The following NEURL1 variants were observed in gnomAD, a reference collection of about 807,000 sequenced individuals.
NEURL1 encodes the protein E3 ubiquitin-protein ligase NEURL1.
A neutral mutation model predicts 41.2 loss-of-function variants in NEURL1; 26 were observed. The observed-to-expected ratio is 0.63, with a 90% CI of 0.46 to 0.87. The LOEUF (loss-of-function observed/expected upper bound fraction) is 0.87, where lower values mean the gene tolerates loss of function less well. NEURL1 is among the 40% of genes least tolerant of loss of function. The pLI is 0.00. For synonymous variants in NEURL1, 400 were observed against 402.3 expected, an observed-to-expected ratio of 0.99 and a Z score of 0.07; for missense variants, 761 against 871.1, an observed-to-expected ratio of 0.87 and a Z score of 1.59.
At chr10:103,564,717 C>T (rs1345165516) in intron 1 of NEURL1, among the ~76,000 whole-genome samples, 5 of 152,230 alleles carry the variant, frequency 3.3e-5, no homozygotes, top group Admixed American at 6.5e-5. Flanking sequence ...CTTAAAGGGT[C>T]ATAGTCCCAG....
Position 103,590,673 on chromosome 10 carries a change from CCCTA to C in NEURL1, c.*302_*305del, listed in dbSNP as rs2036022327. ...AGGGCTAAATTGGGATCTCAGCCTG[CCCTA>C]ATCTTTCCCCATCTGAGGCAGGTTT... On this transcript the variant is annotated 3_prime_UTR_variant, in exon 6 of 6. Transcript: ENST00000369780. 2 of 439,584 alleles carry C rather than the reference CCCTA, an allele frequency of 4.5e-6. No individual in the cohort carries two copies. The highest frequency in any genetic ancestry group is 4.1e-6 in the Non-Finnish European group (1 of 240,988). The allele number at this position is 439,584 out of a possible 1,614,324, so 27.2% of individuals were successfully genotyped here.
rs550645695 is a variant in NEURL1 at position 103,562,020 on chromosome 10, C to G, written c.86-8852C>G. On this transcript the variant is annotated intron_variant, in intron 1 of 5. Coordinates refer to ENST00000369780, the MANE Select transcript of NEURL1 (RefSeq NM_004210.5). ...AGTAGATAGAAGAATCAAACACTAG[C>G]AATTCATTCAGTAACTTTTATTGAG... Among the ~76,000 whole-genome samples the G allele has an allele frequency of 2.0e-5, 3 of 152,322 alleles. No homozygotes were observed. The East Asian group carries it at 5.8e-4, about 29-fold the overall frequency.
chr10:103,552,920 G>A, intron 1 of NEURL1, among the ~76,000 whole-genome samples: 1 of 152,196 alleles, frequency 6.6e-6, no homozygotes, highest in South Asian at 2.1e-4. Context: ...TAGGGCCCTA[G>A]GGAGGCTTCC....
intron 1 of NEURL1, among the ~76,000 whole-genome samples, chr10:103,568,877 C>T (rs373158472): frequency 4.6e-5 from 7 of 152,150 alleles, no homozygotes; most frequent in East Asian, 1.9e-4. Flanking sequence ...TGCAGTGGAA[C>T]GATCTTGGCT....
chr10:103,504,218 C>T (rs1472146341), intron 1 of NEURL1, among the ~76,000 whole-genome samples: 1 of 151,978 alleles, frequency 6.6e-6, no homozygotes, highest in East Asian at 1.9e-4. Context: ...GTCTTGAACC[C>T]CTGAACTTGT....
Position 103,571,127 on chromosome 10 carries a change from CT to C in NEURL1, c.327+15del. The C allele has an allele frequency of 2.5e-6, 4 of 1,609,874 alleles. No homozygotes were observed. Among genetic ancestry groups the C allele is most frequent in the Non-Finnish European group, 3.4e-6 (4 of 1,178,280 alleles). On this transcript the variant is annotated intron_variant, in intron 2 of 5. Coordinates refer to ENST00000369780, the MANE Select transcript of NEURL1 (RefSeq NM_004210.5). ...GTCAGGCTGAAGGTGGGCCTGCCCC[CT>C]GCCCCCGCCCCCGCCTCCTGCTTCC... is the stretch of plus-strand genomic sequence containing the variant.
chr10:103,574,987 GA>G (rs1366680773), intron 3 of NEURL1, among the ~76,000 whole-genome samples: 3 of 83,252 alleles, frequency 3.6e-5, no homozygotes, highest in African/African-American at 5.7e-5. Context: ...TATTCTTCCT[GA>G]ATTTTTTTTT....
At chr10:103,551,858 C>A (rs932894034) in intron 1 of NEURL1, among the ~76,000 whole-genome samples, 1 of 152,218 alleles carries the variant, frequency 6.6e-6, no homozygotes, top group African/African-American at 2.4e-5. Flanking sequence ...CCACTCGGGC[C>A]ACCTCCCAGT....
intron 1 of NEURL1, among the ~76,000 whole-genome samples, chr10:103,562,366 G>A (rs544044856): frequency 1.3e-4 from 20 of 152,296 alleles, no homozygotes; most frequent in African/African-American, 3.4e-4. Flanking sequence ...CTGGGTGACC[G>A]AGCCAGACTC....
chr10:103,506,993 G>C (rs2033963229), intron 1 of NEURL1, among the ~76,000 whole-genome samples: 1 of 152,218 alleles, frequency 6.6e-6, no homozygotes, highest in African/African-American at 2.4e-5. Flanking sequence ...CTTGGTTCCT[G>C]GTGGAAGGGC....
intron 3 of NEURL1, among the ~76,000 whole-genome samples, chr10:103,581,959 A>T (rs2133883332): frequency 6.6e-6 from 1 of 152,288 alleles, no homozygotes; most frequent in East Asian, 1.9e-4. Context: ...GTTAGTGAGC[A>T]CCTGGTAGTG....
Position 103,584,872 on chromosome 10 carries a change from G to A in NEURL1, c.986G>A (p.Ser329Asn). Residue 329 changes from serine to asparagine, a missense_variant, in exon 4 of 6, where the codon AGC becomes AAC. Around this residue, in one of 5 missense-constraint regions of NEURL1, gnomAD observed 443 missense variants for 408.1 expected, o/e 1.09. Transcript: ENST00000369780. ...GRDERALVFT[S>N]RPVRVAETIF... ...GACGAGCGCGCGCTCGTCTTCACCAGCCGGCCCGTGCGCGTGGCCGAGACC... is the reference window on the plus strand; with the variant it reads ...GACGAGCGCGCGCTCGTCTTCACCAACCGGCCCGTGCGCGTGGCCGAGACC... The A allele has an allele frequency of 3.7e-6, 5 of 1,354,762 alleles. No homozygotes were observed. The South Asian group carries it at 7.4e-5, about 20-fold the overall frequency. 83.9% of individuals were successfully genotyped at this position (1,354,762 alleles called of 1,614,324 possible).
intron 1 of NEURL1, among the ~76,000 whole-genome samples, chr10:103,523,389 A>G (rs574029523): frequency 1.3e-5 from 2 of 152,076 alleles, no homozygotes; most frequent in African/African-American, 4.8e-5. Flanking sequence ...CCAAGAGTTT[A>G]AGGCTGCAGT....
intron 1 of NEURL1, among the ~76,000 whole-genome samples, chr10:103,518,012 GA>G (rs1221173641): frequency 6.6e-6 from 1 of 152,184 alleles, no homozygotes; most frequent in African/African-American, 2.4e-5. Context: ...TATGTCTCTT[GA>G]GGGTAACTTT....
At chr10:103,570,620 G>A (rs2035518903) in intron 1 of NEURL1, among the ~76,000 whole-genome samples, 1 of 139,416 alleles carries the variant, frequency 7.2e-6, no homozygotes, top group South Asian at 2.6e-4. Context: ...GAGGGTGGGG[G>A]TGGGAGGTGA....
rs911345520 is a variant in NEURL1, at chr10:103,493,714, T to G, written c.-674T>G. Among the ~76,000 whole-genome samples, 1 of 151,906 alleles carries G rather than the reference T, an allele frequency of 6.6e-6. No homozygotes were observed. The highest frequency in any genetic ancestry group is 2.4e-5 in the African/African-American group (1 of 41,380). ...CGCGCGCGTGTCACTAAGACGCTCA[T>G]TCACCGGCGCAGCTGTCACCATAAC... On this transcript the variant is annotated 5_prime_UTR_variant, in exon 1 of 6. Coordinates refer to ENST00000369780, the MANE Select transcript of NEURL1 (RefSeq NM_004210.5).
At chr10:103,524,217 CTTG>C (rs555829986) in intron 1 of NEURL1, among the ~76,000 whole-genome samples, 45 of 152,166 alleles carry the variant, frequency 3.0e-4, no homozygotes, top group Non-Finnish European at 5.1e-4. Context: ...AAAATATATA[CTTG>C]TTGGTTTTGT....
chr10:103,509,544 T>C (rs1201434942), intron 1 of NEURL1, among the ~76,000 whole-genome samples: 1 of 152,232 alleles, frequency 6.6e-6, no homozygotes, highest in African/African-American at 2.4e-5. Flanking sequence ...GATGTTATCA[T>C]GGCTACGACA....
At chr10:103,584,453 C>A in intron 3 of NEURL1, 83 bp from the exon 4 acceptor site, 1 of 891,780 alleles carries the variant, frequency 1.1e-6, no homozygotes, top group Non-Finnish European at 1.5e-6. Flanking sequence ...TGTAACGGTG[C>A]GCGCGTAGGG....
Sources: gnomAD v4.1 joint callset for allele counts (sites outside exome capture counted in the v4.1 genomes callset) on GRCh38, gnomAD v4.1.1 for gene constraint, gnomAD v4.1.1 regional missense constraint, MANE v1.5 for transcripts, NCBI Gene and HGNC (gene_info 2026-07-23, HGNC 2026-07-21) for gene names.